Variants in NAP1L1 observed in about 807,000 individuals in gnomAD.
NAP1L1 encodes nucleosome assembly protein 1-like 1.
In NAP1L1, 9 loss-of-function variants were observed where a neutral mutation model predicts 58.9. That is an observed-to-expected ratio of 0.15 (90% confidence interval 0.09 to 0.27). The LOEUF (loss-of-function observed/expected upper bound fraction) is 0.27. Ranked by LOEUF, NAP1L1 falls within the 10% of genes least tolerant of loss-of-function variation. NAP1L1 has a pLI of 1.00. For missense variants in NAP1L1, 302 were observed against 458.8 expected (o/e 0.66, Z 3.12); for synonymous variants, 130 against 138.3 (o/e 0.94, Z 0.42).
chr12:76,045,862 C>T lies in NAP1L1; in HGVS notation c.*2567G>A, dbSNP rs1336612006. 1 of 151,962 alleles carries T rather than the reference C, an allele frequency of 6.6e-6. No individual in the cohort carries two copies. Among genetic ancestry groups the T allele is most frequent in the African/African-American group, 2.4e-5 (1 of 41,412 alleles). 9.4% of individuals were successfully genotyped at this position (151,962 alleles called of 1,614,324 possible). On this transcript the variant is annotated 3_prime_UTR_variant, in exon 15 of 15. Coordinates refer to ENST00000618691, the MANE Select transcript of NAP1L1 (RefSeq NM_004537.7). ...CCATTTCTAACAGGAAAAAATGAGA[C>T]TTACTTGGCAGTGTGCATGGGCTGC... is the stretch of plus-strand genomic sequence containing the variant.
intron 1 of NAP1L1, among the ~76,000 whole-genome samples, chr12:76,079,408 G>C (rs977509063): frequency 2.6e-5 from 4 of 152,074 alleles, no homozygotes; most frequent in African/African-American, 9.7e-5. Context: ...ACTGAGGCAG[G>C]AAGATCACTT....
chr12:76,050,419 T>C, intron 12 of NAP1L1, 112 bp downstream of exon 12: 3 of 1,331,716 alleles, frequency 2.3e-6, no homozygotes, highest in Non-Finnish European at 3.0e-6. Flanking sequence ...GTAATTAGCC[T>C]AATTTTGAAT....
rs371508584 is a variant in NAP1L1, at chr12:76,054,335, A to G, written c.631-426T>C. Among the ~76,000 whole-genome samples, 18 of 152,286 alleles carry G rather than the reference A, an allele frequency of 1.2e-4. No individual in the cohort carries two copies. The South Asian group carries it at 3.7e-3, about 32-fold the overall frequency. ...GTGAGCCACTGCACCCAGCCATGAA[A>G]TATTTAAGAATGGGACAGACTGTCA... On this transcript the variant is annotated intron_variant, in intron 8 of 14. Coordinates refer to ENST00000618691, the MANE Select transcript of NAP1L1 (RefSeq NM_004537.7).
rs1245807211 is a variant in NAP1L1, at chr12:76,050,635, T to C, written c.955A>G (p.Ile319Val). Reference sequence around the variant, plus strand: ...CCAATTTCGAAGTCTGCAGCAAGGATAGCTTCAGCATCATCATCCTATTTT... The same window carrying C: ...CCAATTTCGAAGTCTGCAGCAAGGACAGCTTCAGCATCATCATCCTATTTT... ...SGDLDDDAEAILAADFEIGHF... is the reference protein window; with the variant it reads ...SGDLDDDAEAVLAADFEIGHF... Residue 319 changes from isoleucine (I) to valine (V), a missense_variant, in exon 12 of 15, where the codon ATC becomes GTC. Ile to Val is a conservative substitution (Grantham distance 29). Coordinates refer to ENST00000618691, the MANE Select transcript of NAP1L1 (RefSeq NM_004537.7). The C allele has an allele frequency of 1.2e-6, 2 of 1,608,730 alleles. No individual in the cohort carries two copies. Among genetic ancestry groups the C allele is most frequent in the South Asian group, 1.1e-5 (1 of 89,830 alleles).
intron 6 of NAP1L1, 178 bp from the exon 7 acceptor site, chr12:76,056,339 C>T: frequency 1.8e-6 from 1 of 566,050 alleles, no homozygotes; most frequent in Non-Finnish European, 3.0e-6. Flanking sequence ...TTACTGCTAC[C>T]ACACCCCTCC....
At position 76,056,456 on chromosome 12, in the gene NAP1L1, A is replaced by AG. The variant is rs1949090060; in HGVS notation, c.430-296dup. The AG allele has an allele frequency of 3.9e-5, 14 of 358,616 alleles. 1 individual carries two copies. The highest frequency in any genetic ancestry group is 3.2e-4 in the South Asian group (14 of 43,102). 22.2% of individuals were successfully genotyped at this position (358,616 alleles called of 1,614,324 possible). A position where few individuals can be genotyped will look rare whatever the true frequency, so the allele number is the denominator to read the frequency against. Reference sequence around the variant, plus strand: ...AGACTTAAGCATAATAAACAAGAAAAGCAACAGAAATACTAATTTGGTCCA... The same window carrying AG: ...AGACTTAAGCATAATAAACAAGAAAAGGCAACAGAAATACTAATTTGGTCCA... On this transcript the variant is annotated intron_variant, in intron 6 of 14. Coordinates refer to ENST00000618691, the MANE Select transcript of NAP1L1 (RefSeq NM_004537.7).
chr12:76,081,634 G>T (rs1279005932), intron 1 of NAP1L1, among the ~76,000 whole-genome samples: 1 of 152,142 alleles, frequency 6.6e-6, no homozygotes, highest in Non-Finnish European at 1.5e-5. Flanking sequence ...TTCTGAATAA[G>T]TAAAAATATA....
chr12:76,066,219 G>C (rs1000177672), intron 4 of NAP1L1, among the ~76,000 whole-genome samples: 1 of 151,686 alleles, frequency 6.6e-6, no homozygotes, highest in African/African-American at 2.4e-5. Flanking sequence ...CTAATACAAA[G>C]GTAGACTCTA....
At chr12:76,057,983 A>G in intron 6 of NAP1L1, 3 of 899,542 alleles carry the variant, frequency 3.3e-6, no homozygotes, top group Non-Finnish European at 5.7e-6. Context: ...TTTTTGCTCA[A>G]AAATTCTCCT....
chr12:76,056,119 CT>C lies in NAP1L1; in HGVS notation c.471del (p.Asp158MetfsTer15). On this transcript the variant is annotated frameshift_variant, in exon 7 of 15. Coordinates refer to ENST00000618691, the MANE Select transcript of NAP1L1 (RefSeq NM_004537.7). LOFTEE classifies it high-confidence loss of function. ...CCTTTGGGGTCTTCTTTTTCTTCAT[CT>C]TTTTTCTCATCTTCAATCTTGGCCT... Reference protein sequence around the residue: ...KEKAKIEDEKKDEEKEDPKGI... With the variant: ...KEKAKIEDEKXDEEKEDPKGI... 6.2e-7 allele frequency: 1 copy of C among 1,612,726 alleles called. No individual in the cohort carries two copies. The highest frequency in any genetic ancestry group is 1.3e-5 in the African/African-American group (1 of 74,952).
intron 11 of NAP1L1, among the ~76,000 whole-genome samples, chr12:76,052,318 A>T (rs1948881227): frequency 6.6e-6 from 1 of 152,080 alleles, no homozygotes; most frequent in Non-Finnish European, 1.5e-5. Flanking sequence ...ACTGATATGA[A>T]AATAGTGTGA....
chr12:76,068,878 C>T (rs1221036287), intron 3 of NAP1L1, 31 bp downstream of exon 3: 11 of 1,490,736 alleles, frequency 7.4e-6, no homozygotes, highest in South Asian at 2.3e-5. Flanking sequence ...TGCCAGCAAT[C>T]ACTGGCTCCT....
At chr12:76,074,094 G>T in intron 2 of NAP1L1, 109 bp downstream of exon 2, 2 of 931,844 alleles carry the variant, frequency 2.1e-6, no homozygotes, top group Non-Finnish European at 3.5e-6. Context: ...TAGGTACTAA[G>T]CATTAGTAAC....
At chr12:76,056,396 A>G (rs1183364958) in intron 6 of NAP1L1, 1 of 433,198 alleles carries the variant, frequency 2.3e-6, no homozygotes, top group Non-Finnish European at 4.2e-6. Flanking sequence ...AAACCATTTT[A>G]GTAAAAAAAA....
At chr12:76,077,701 T>C (rs1326844910) in intron 1 of NAP1L1, among the ~76,000 whole-genome samples, 3 of 151,856 alleles carry the variant, frequency 2.0e-5, no homozygotes, top group Admixed American at 6.6e-5. Context: ...ATGAAAAATA[T>C]GGCCGGACGC....
chr12:76,080,071 G>A (rs1950341843), intron 1 of NAP1L1, among the ~76,000 whole-genome samples: 1 of 152,110 alleles, frequency 6.6e-6, no homozygotes, highest in Non-Finnish European at 1.5e-5. Context: ...GAACTAATTG[G>A]ATACATAGAG....
intron 2 of NAP1L1, 135 bp downstream of exon 2, chr12:76,074,068 T>C: frequency 1.3e-6 from 1 of 763,754 alleles, no homozygotes; most frequent in East Asian, 2.6e-5. Context: ...TACACTGCAC[T>C]AGACTTTTGT....
intron 9 of NAP1L1, 82 bp downstream of exon 9, chr12:76,053,688 T>C (rs1948944603): frequency 6.8e-7 from 1 of 1,476,250 alleles, no homozygotes; most frequent in Non-Finnish European, 9.2e-7. Flanking sequence ...TGTACATATG[T>C]AACTGAAAAT....
chr12:76,080,924 G>T (rs2137118790), intron 1 of NAP1L1, among the ~76,000 whole-genome samples: 1 of 152,204 alleles, frequency 6.6e-6, no homozygotes, highest in Middle Eastern at 3.4e-3. Context: ...GGGAGCTGGA[G>T]AGCCAAGCTA....
Sources: gnomAD v4.1 joint callset for allele counts (sites outside exome capture counted in the v4.1 genomes callset) on GRCh38, gnomAD v4.1.1 for gene constraint, MANE v1.5 for transcripts, NCBI Gene and HGNC (gene_info 2026-07-23, HGNC 2026-07-21) for gene names.